The following OMA1 variants were observed in gnomAD, a reference collection of about 807,000 sequenced individuals.
OMA1 encodes the protein OMA1 zinc metallopeptidase.
A neutral mutation model predicts 30.9 loss-of-function variants in OMA1; 38 were observed. That is an observed-to-expected ratio of 1.23 (90% CI 0.95 to 1.61). OMA1 has a LOEUF of 1.61. Among genes scored for constraint, OMA1 ranks in the 40% most tolerant of loss-of-function variants. The probability of loss-of-function intolerance (pLI) is 0.00; values close to 1 mark genes in which losing one functional copy is unlikely to be tolerated. For missense variants in OMA1, 461 were observed against 349.2 expected (o/e 1.32, Z -2.55); for synonymous variants, 173 against 121.9 (o/e 1.42, Z -2.76).
intron 1 of OMA1, among the ~76,000 whole-genome samples, chr1:58,540,373 A>G (rs1438404241): frequency 2.0e-5 from 3 of 152,148 alleles, no homozygotes; most frequent in Non-Finnish European, 4.4e-5. Context: ...CAAGCATGCA[A>G]GCAGCAAGAT....
At chr1:58,488,094 T>A (rs1318640892) in intron 8 of OMA1, among the ~76,000 whole-genome samples, 5 of 152,184 alleles carry the variant, frequency 3.3e-5, no homozygotes, top group African/African-American at 1.2e-4. Context: ...TATAGACATT[T>A]AAACTGATAA....
intron 8 of OMA1, among the ~76,000 whole-genome samples, chr1:58,499,509 A>ATAGATAGATAGATAGATAG (rs776144705): frequency 4.7e-5 from 2 of 42,856 alleles, no homozygotes; most frequent in South Asian, 7.0e-4. Context: ...TAGATAGATA[A>ATAGATAGATAGATAGATAG]ATAGATAGAT....
chr1:58,492,219 G>T (rs1221215056), intron 8 of OMA1, among the ~76,000 whole-genome samples: 9 of 152,136 alleles, frequency 5.9e-5, no homozygotes, highest in East Asian at 3.9e-4. Context: ...AAACCAACGA[G>T]AACAAAGACA....
intron 8 of OMA1, among the ~76,000 whole-genome samples, chr1:58,494,886 A>C (rs957856833): frequency 1.5e-4 from 23 of 152,336 alleles, no homozygotes; most frequent in Non-Finnish European, 2.5e-4. Flanking sequence ...CTAGAACTAG[A>C]AATACCATTT....
chr1:58,545,470 AT>A (rs1445856622), intron 1 of OMA1, among the ~76,000 whole-genome samples: 2 of 151,720 alleles, frequency 1.3e-5, no homozygotes, highest in Non-Finnish European at 2.9e-5. Context: ...CTATTCATGC[AT>A]TTTCAAGGAG....
At chr1:58,506,251 T>C (rs755932285) in intron 7 of OMA1, 42 bp from the exon 8 acceptor site, 2 of 821,606 alleles carry the variant, frequency 2.4e-6, no homozygotes, top group Non-Finnish European at 4.2e-6. Flanking sequence ...AGCTCAGTTT[T>C]GAGGATTTTT....
rs74809956 is a variant in OMA1, at chr1:58,500,191, T to A, written c.1365+5869A>T. On this transcript the variant is annotated intron_variant, in intron 8 of 8. Transcript: ENST00000371226. ...ATACACATCACATGCACCATAATATTTTTTTTAAGGGTTTAGACAATGTTA... is the reference window on the plus strand; with the variant it reads ...ATACACATCACATGCACCATAATATATTTTTTAAGGGTTTAGACAATGTTA... Among the ~76,000 whole-genome samples, 360 of 152,196 alleles carry A rather than the reference T, an allele frequency of 2.4e-3. 1 individual carries two copies. The highest frequency in any genetic ancestry group is 4.4e-3 in the Non-Finnish European group (300 of 67,990).
chr1:58,506,171 C>T lies in OMA1; in HGVS notation c.1254G>A (p.Gln418=), dbSNP rs749308272. ...ADIRASSVFW[Q]QMEFVDSLHG... ...GCAGGCTATCAACGAACTCCATTTG[C>T]TGCCAAAACACTGAACTGGCTCTTA... The change falls in exon 8 of 9, where the codon CAG becomes CAA. Residue 418 remains glutamine (Q), a synonymous_variant. Transcript: ENST00000371226. The T allele has an allele frequency of 3.4e-6, 3 of 872,150 alleles. No homozygotes were observed. Among genetic ancestry groups the T allele is most frequent in the Non-Finnish European group, 6.0e-6 (3 of 501,062 alleles). 54.0% of individuals were successfully genotyped at this position (872,150 alleles called of 1,614,324 possible).
At position 58,518,354 on chromosome 1, in the gene OMA1, G is replaced by GGAAGA. The variant is rs1646205552; in HGVS notation, c.1215+8906_1215+8907insTCTTC. On this transcript the variant is annotated intron_variant, in intron 7 of 8. Transcript: ENST00000371226. ...AGAAGAGAAGAGAAGAGAAGAGAAG[G>GGAAGA]GAAGGGAAGAGAAGAGAAGGGAAGA... Among the ~76,000 whole-genome samples, 3 of 32,434 alleles carry GGAAGA rather than the reference G, an allele frequency of 9.2e-5. 1 individual carries two copies. Among genetic ancestry groups the GGAAGA allele is most frequent in the South Asian group, 1.7e-3 (1 of 592 alleles). 21.3% of individuals were successfully genotyped at this position (32,434 alleles called of 152,430 possible). A position where few individuals can be genotyped will look rare whatever the true frequency, so the allele number is the denominator to read the frequency against.
chr1:58,511,649 A>T (rs1287357406), intron 7 of OMA1, among the ~76,000 whole-genome samples: 1 of 152,068 alleles, frequency 6.6e-6, no homozygotes, highest in African/African-American at 2.4e-5. Flanking sequence ...ACACACACAC[A>T]CACAAACCCC....
rs571418134 is a variant in OMA1 at position 58,484,768 on chromosome 1, G to A, written c.1366-3594C>T. 3.9e-5 allele frequency among the ~76,000 whole-genome samples: 6 copies of A among 152,276 alleles called. No homozygotes were observed. In the South Asian group the frequency reaches 1.0e-3, roughly 26 times the overall value. On this transcript the variant is annotated intron_variant, in intron 8 of 8. Coordinates refer to ENST00000371226, the MANE Select transcript of OMA1 (RefSeq NM_145243.5). ...TAGCTATCAAGCCATGAAAAGATAT[G>A]AGGAACCTTAAACGTATATTGCTAA...
intron 8 of OMA1, among the ~76,000 whole-genome samples, chr1:58,490,550 T>G (rs1645662796): frequency 6.6e-6 from 1 of 152,126 alleles, no homozygotes; most frequent in Non-Finnish European, 1.5e-5. Flanking sequence ...TTCCCCAATC[T>G]AGCAAGGCAG....
chr1:58,493,503 T>C (rs987532266), intron 8 of OMA1, among the ~76,000 whole-genome samples: 3 of 151,636 alleles, frequency 2.0e-5, no homozygotes, highest in African/African-American at 7.3e-5. Flanking sequence ...GACATGATTG[T>C]ATATCTAGAA....
rs60360589 is a variant in OMA1 at position 58,541,614 on chromosome 1, C to CAAAAAAAA, written c.-16-2312_-16-2305dup. The CAAAAAAAA allele has an allele frequency of 4.4e-3, 286 of 65,566 alleles. 2 individuals carry two copies. The highest frequency in any genetic ancestry group is 6.5e-3 in the Non-Finnish European group (241 of 37,248). The allele number at this position is 65,566 out of a possible 1,614,324, so 4.1% of individuals were successfully genotyped here. A position where few individuals can be genotyped will look rare whatever the true frequency, so the allele number is the denominator to read the frequency against. ...CGTGGGCAACAGAATGAGAACCTGT[C>CAAAAAAAA]AAAAAAAAAAAAAAAAAAAAAAAAA... is the stretch of plus-strand genomic sequence containing the variant. On this transcript the variant is annotated intron_variant, in intron 1 of 8. Transcript: ENST00000371226.
chr1:58,524,087 G>C (rs1646311980), intron 7 of OMA1, among the ~76,000 whole-genome samples: 2 of 152,182 alleles, frequency 1.3e-5, no homozygotes, highest in African/African-American at 4.8e-5. Flanking sequence ...CAGCTTTATA[G>C]ATAAGGAAAG....
intron 8 of OMA1, among the ~76,000 whole-genome samples, chr1:58,494,290 T>C (rs950293834): frequency 1.2e-4 from 18 of 152,138 alleles, no homozygotes; most frequent in East Asian, 5.8e-4. Context: ...AAGACTTAAA[T>C]GTTAGACCTA....
chr1:58,530,179 C>G (rs1282957712), intron 6 of OMA1, among the ~76,000 whole-genome samples: 1 of 152,200 alleles, frequency 6.6e-6, no homozygotes, highest in Admixed American at 6.5e-5. Flanking sequence ...CGGCGCCCGG[C>G]CAATACCATG....
chr1:58,513,564 A>G (rs1390423032), intron 7 of OMA1, among the ~76,000 whole-genome samples: 4 of 152,222 alleles, frequency 2.6e-5, no homozygotes, highest in African/African-American at 4.8e-5. Context: ...CCAGAGAAAC[A>G]TAAGAAAATA....
At chr1:58,504,632 C>G (rs1645957939) in intron 8 of OMA1, among the ~76,000 whole-genome samples, 1 of 152,076 alleles carries the variant, frequency 6.6e-6, no homozygotes, top group African/African-American at 2.4e-5. Flanking sequence ...TGCTCATTCC[C>G]CAGCAATAGA....
Sources: gnomAD v4.1 joint callset for allele counts (sites outside exome capture counted in the v4.1 genomes callset) on GRCh38, gnomAD v4.1.1 for gene constraint, MANE v1.5 for transcripts, NCBI Gene and HGNC (gene_info 2026-07-23, HGNC 2026-07-21) for gene names.